ANO3: variants seen among roughly 807,000 people sequenced by gnomAD.
ANO3 encodes anoctamin 3, also known as anoctamin-3.
In ANO3, 99 loss-of-function variants were observed where a neutral mutation model predicts 144.8. That is an observed-to-expected ratio of 0.68 (90% CI 0.58 to 0.81). The LOEUF (loss-of-function observed/expected upper bound fraction) is 0.81, where lower values mean the gene tolerates loss of function less well. Ranked by LOEUF, ANO3 falls within the 30% of genes least tolerant of loss-of-function variation. The pLI is 0.00. For missense variants in ANO3, 905 were observed against 1,202.2 expected, an observed-to-expected ratio of 0.75 and a Z score of 3.66; for synonymous variants, 414 against 392.6, an observed-to-expected ratio of 1.05 and a Z score of -0.64.
At chr11:26,454,315 T>C (rs910341860) in intron 3 of ANO3, among the ~76,000 whole-genome samples, 1 of 151,882 alleles carries the variant, frequency 6.6e-6, no homozygotes, top group Non-Finnish European at 1.5e-5. Flanking sequence ...ATCAACAAAA[T>C]TGATAGACCA....
At chr11:26,360,557 C>T (rs1255770665) in intron 1 of ANO3, among the ~76,000 whole-genome samples, 1 of 152,124 alleles carries the variant, frequency 6.6e-6, no homozygotes, top group Non-Finnish European at 1.5e-5. Context: ...CCCTTTGTGG[C>T]AGGAGAGGGA....
At chr11:26,224,660 T>C (rs1852220392) in intron 1 of ANO3, among the ~76,000 whole-genome samples, 1 of 152,230 alleles carries the variant, frequency 6.6e-6, no homozygotes, top group Non-Finnish European at 1.5e-5. Flanking sequence ...ATGGTTGAAA[T>C]GCCTCTGCCA....
intron 1 of ANO3, among the ~76,000 whole-genome samples, chr11:26,195,222 T>C (rs979711139): frequency 2.0e-5 from 3 of 152,146 alleles, no homozygotes; most frequent in Non-Finnish European, 1.5e-5. Flanking sequence ...CTTAATGAGG[T>C]CAGTAATTTG....
intron 1 of ANO3, among the ~76,000 whole-genome samples, chr11:26,423,427 A>T (rs1857816140): frequency 6.6e-6 from 1 of 151,320 alleles, no homozygotes. Flanking sequence ...ATTGTTTAGA[A>T]TTATTGAATA....
At chr11:26,238,961 T>G (rs916938063) in intron 1 of ANO3, among the ~76,000 whole-genome samples, 2 of 151,230 alleles carry the variant, frequency 1.3e-5, no homozygotes, top group Admixed American at 6.6e-5. Context: ...TTTTATGGAA[T>G]TGTATTAATG....
chr11:26,587,464 G>C (rs1228489082), intron 14 of ANO3, among the ~76,000 whole-genome samples: 1 of 152,126 alleles, frequency 6.6e-6, no homozygotes, highest in Non-Finnish European at 1.5e-5. Context: ...GCTGGTTAAT[G>C]CAACTGTTCT....
chr11:26,442,137 G>T, intron 2 of ANO3, 25 bp downstream of exon 2: 1 of 1,598,872 alleles, frequency 6.3e-7, no homozygotes, highest in Non-Finnish European at 8.5e-7. Context: ...CTATTTTCTT[G>T]TTCAATTTAT....
intron 4 of ANO3, among the ~76,000 whole-genome samples, chr11:26,483,545 T>C (rs767133877): frequency 1.1e-4 from 16 of 152,184 alleles, no homozygotes; most frequent in Non-Finnish European, 1.8e-4. Context: ...GCTGCCTTCC[T>C]CTTTGCCTTC....
At chr11:26,494,808 GCTCCAGGAGAT>G (rs1240266964) in intron 4 of ANO3, among the ~76,000 whole-genome samples, 2 of 152,106 alleles carry the variant, frequency 1.3e-5, no homozygotes, top group African/African-American at 4.8e-5. Flanking sequence ...ACACACGTGA[GCTCCAGGAGAT>G]CTATGAAGTC....
chr11:26,508,078 A>G lies in ANO3; in HGVS notation c.433-26A>G, dbSNP rs201586677. The stretch of plus-strand genomic sequence containing the variant: ...CATACATGCTTGTCTAACCCACACC[A>G]TTAACAATCATTGCTTTATTTGCAG... On this transcript the variant is annotated intron_variant, in intron 4 of 26. Transcript: ENST00000256737. 2.5e-5 allele frequency: 39 copies of G among 1,568,712 alleles called. No homozygotes were observed. In the East Asian group the frequency reaches 6.6e-4, roughly 27 times the overall value.
chr11:26,328,060 T>G (rs531777844), upstream of ANO3, among the ~76,000 whole-genome samples: 104 of 152,202 alleles, frequency 6.8e-4, no homozygotes, highest in Admixed American at 1.6e-3. Flanking sequence ...ATTAATTTTT[T>G]TAAAATTCTG....
intron 1 of ANO3, among the ~76,000 whole-genome samples, chr11:26,280,713 C>T (rs542426423): frequency 1.3e-5 from 2 of 152,270 alleles, no homozygotes; most frequent in South Asian, 2.1e-4. Flanking sequence ...ATCCTTCAAT[C>T]CAATCAAGTT....
intron 1 of ANO3, among the ~76,000 whole-genome samples, chr11:26,255,811 T>C (rs1268506017): frequency 1.3e-5 from 2 of 152,146 alleles, no homozygotes; most frequent in African/African-American, 2.4e-5. Context: ...TACAGTCTTA[T>C]CTAAGCCGTG....
At chr11:26,212,977 A>T (rs1310117307) in intron 1 of ANO3, among the ~76,000 whole-genome samples, 1 of 152,156 alleles carries the variant, frequency 6.6e-6, no homozygotes, top group African/African-American at 2.4e-5. Flanking sequence ...CTGGTTCAAC[A>T]TATGCAAATC....
intron 17 of ANO3, among the ~76,000 whole-genome samples, chr11:26,621,874 G>C (rs1051736209): frequency 6.6e-6 from 1 of 151,998 alleles, no homozygotes; most frequent in African/African-American, 2.4e-5. Flanking sequence ...GTGTGTATCA[G>C]GTAGGGCCCG....
At chr11:26,441,341 T>C (rs1032902084) in intron 1 of ANO3, among the ~76,000 whole-genome samples, 6 of 151,534 alleles carry the variant, frequency 4.0e-5, no homozygotes, top group Non-Finnish European at 7.4e-5. Context: ...ATGGTCTCGA[T>C]CTCCTGACCT....
At chr11:26,242,335 A>T (rs888272313) in intron 1 of ANO3, among the ~76,000 whole-genome samples, 1 of 152,122 alleles carries the variant, frequency 6.6e-6, no homozygotes, top group African/African-American at 2.4e-5. Context: ...TATTCCATCC[A>T]TATGAAATCT....
intron 18 of ANO3, among the ~76,000 whole-genome samples, chr11:26,629,588 A>G (rs1373669452): frequency 6.6e-6 from 1 of 152,158 alleles, no homozygotes; most frequent in Non-Finnish European, 1.5e-5. Flanking sequence ...CCATTAGACT[A>G]TCAAGATGCA....
intron 1 of ANO3, among the ~76,000 whole-genome samples, chr11:26,334,860 C>G (rs1049429400): frequency 2.6e-5 from 4 of 152,088 alleles, no homozygotes; most frequent in African/African-American, 9.7e-5. Context: ...CTAGAAATAG[C>G]CTGATATAAC....
Sources: allele counts gnomAD v4.1 joint callset (sites outside exome capture counted in the v4.1 genomes callset), GRCh38; gene constraint gnomAD v4.1.1; transcripts MANE v1.5; gene names NCBI Gene and HGNC (gene_info 2026-07-23, HGNC 2026-07-21).